KCNQ1: variants seen among roughly 807,000 people sequenced by gnomAD.
KCNQ1 encodes the protein potassium voltage-gated channel subfamily KQT member 1.
In KCNQ1, 49 loss-of-function variants were observed where a neutral mutation model predicts 72.4. The ratio of observed to expected loss-of-function variants is 0.68; its 90% CI spans 0.54 to 0.86. KCNQ1 has a LOEUF of 0.86. KCNQ1 is among the 40% of genes least tolerant of loss of function. The pLI, the probability that KCNQ1 is intolerant of heterozygous loss-of-function variation, is 0.00. For missense variants in KCNQ1, 790 were observed against 945.1 expected, an observed-to-expected ratio of 0.84 and a Z score of 2.15; for synonymous variants, 450 against 412.6, an observed-to-expected ratio of 1.09 and a Z score of -1.10.
intron 11 of KCNQ1, among the ~76,000 whole-genome samples, chr11:2,733,857 C>CTCTCTCTCTCTCTCTCCCT (rs147278439): frequency 7.9e-5 from 6 of 76,320 alleles, no homozygotes; most frequent in Non-Finnish European, 1.0e-4. Flanking sequence ...CTCTCTCTCT[C>CTCTCTCTCTCTCTCTCCCT]CCCCCCCACT....
At chr11:2,476,496 G>C (rs1846570403) in intron 1 of KCNQ1, among the ~76,000 whole-genome samples, 1 of 152,118 alleles carries the variant, frequency 6.6e-6, no homozygotes, top group Non-Finnish European at 1.5e-5. Context: ...AGTAAGAAAA[G>C]TGAATGTAAA....
rs143728490 is a variant in KCNQ1 at position 2,830,564 on chromosome 11, G to T, written c.1795-17203G>T. Among the ~76,000 whole-genome samples the T allele has an allele frequency of 9.2e-4, 140 of 152,282 alleles. No homozygotes were observed. The highest frequency in any genetic ancestry group is 1.5e-3 in the Non-Finnish European group (101 of 68,012). Reference sequence around the variant, plus strand: ...GAGCAGGAAGGGCGGGCTGGGAGCTGCAGGATGGGGCCTGAATCTCTCATC... The same window carrying T: ...GAGCAGGAAGGGCGGGCTGGGAGCTTCAGGATGGGGCCTGAATCTCTCATC... On this transcript the variant is annotated intron_variant, in intron 15 of 15. Transcript: ENST00000155840. This position sits in a 1 kb window ranked among gnomAD's most constrained non-coding sequence, Gnocchi z 7.7.
rs58203092 is a variant in KCNQ1, at chr11:2,620,948, G to GTT, written c.1393+32102_1393+32103dup. 79,320 of 380,398 alleles carry GTT rather than the reference G, an allele frequency of 0.21. 6,068 individuals are homozygous for GTT. Among genetic ancestry groups the GTT allele is most frequent in the African/African-American group, 0.36 (17,259 of 47,436 alleles). 23.6% of individuals were successfully genotyped at this position (380,398 alleles called of 1,614,324 possible). A position where few individuals can be genotyped will look rare whatever the true frequency, so the allele number is the denominator to read the frequency against. ...TTTTTTGTTGTTGTTGTTTTGTTTT[G>GTT]TTTTTTTTTGTCTGTTTTTTGCTTT... On this transcript the variant is annotated intron_variant, in intron 10 of 15. Transcript: ENST00000155840. The surrounding 1 kb of genome is among the most constrained non-coding windows in gnomAD (Gnocchi z 4.5).
intron 10 of KCNQ1, chr11:2,646,364 C>G (rs1421260243): frequency 2.5e-6 from 1 of 398,430 alleles, no homozygotes; most frequent in African/African-American, 2.1e-5. Flanking sequence ...AATTTTGTAG[C>G]CTCTTCAATT....
intron 11 of KCNQ1, among the ~76,000 whole-genome samples, chr11:2,719,073 G>A (rs765127594): frequency 3.9e-5 from 6 of 152,242 alleles, no homozygotes; most frequent in Non-Finnish European, 8.8e-5. Context: ...GGGGCAGGAG[G>A]CCCTGTGGCA....
chr11:2,643,109 TA>T, intron 10 of KCNQ1: 1 of 398,236 alleles, frequency 2.5e-6, no homozygotes, highest in South Asian at 1.3e-4. Context: ...GTGTTCCATG[TA>T]CTGATGAGAA....
chr11:2,455,305 A>T (rs577632434), intron 1 of KCNQ1, among the ~76,000 whole-genome samples: 2 of 151,590 alleles, frequency 1.3e-5, no homozygotes, highest in African/African-American at 4.9e-5. Flanking sequence ...TCACCGTGTT[A>T]GCCAGGATGG....
At position 2,563,918 on chromosome 11, in the gene KCNQ1, C is replaced by CTA. The variant is rs1270107681; in HGVS notation, c.478-6709_478-6708dup. On this transcript the variant is annotated intron_variant, in intron 2 of 15. Coordinates refer to ENST00000155840, the MANE Select transcript of KCNQ1 (RefSeq NM_000218.3). The surrounding 1 kb of genome is among the most constrained non-coding windows in gnomAD (Gnocchi z 7.4). ...AACAATAGTCAGTGAAGATTAAGAA[C>CTA]TAAAGGCTCAAGGACAGCTACAGAT... Among the ~76,000 whole-genome samples, 3 of 152,222 alleles carry CTA rather than the reference C, an allele frequency of 2.0e-5. No homozygotes were observed. The highest frequency in any genetic ancestry group is 2.9e-5 in the Non-Finnish European group (2 of 68,038).
rs145394215 is a variant in KCNQ1 at position 2,797,546 on chromosome 11, C to T, written c.1794+19509C>T. 2.5e-3 allele frequency among the ~76,000 whole-genome samples: 383 copies of T among 152,204 alleles called. 1 individual carries two copies. Among genetic ancestry groups the T allele is most frequent in the Middle Eastern group, 0.01 (3 of 292 alleles). Reference sequence around the variant, plus strand: ...TGCACCTCCTGGCCACCTGCCCCTGCGTACCCACCACCCTTGCTCCGGAGC... The same window carrying T: ...TGCACCTCCTGGCCACCTGCCCCTGTGTACCCACCACCCTTGCTCCGGAGC... On this transcript the variant is annotated intron_variant, in intron 15 of 15. Transcript: ENST00000155840.
intron 10 of KCNQ1, chr11:2,655,217 C>T (rs1464170050): frequency 5.0e-6 from 2 of 398,598 alleles, no homozygotes. Context: ...CTGGGGTAGT[C>T]GCCACGCCCG....
At chr11:2,821,711 G>A (rs1847741651) in intron 15 of KCNQ1, among the ~76,000 whole-genome samples, 1 of 152,094 alleles carries the variant, frequency 6.6e-6, no homozygotes, top group Admixed American at 6.5e-5. Context: ...CTTGTTCCCT[G>A]TGCCCATGAC....
In KCNQ1 at chr11:2,645,810, A is replaced by G. The variant is rs567619583; in HGVS notation, c.1394-16151A>G. Reference sequence around the variant, plus strand: ...CAGTCTGGTGGGGGTTGGGCTATCAAAATGGGACTTTCCTGAAGTTGCCTG... The same window carrying G: ...CAGTCTGGTGGGGGTTGGGCTATCAGAATGGGACTTTCCTGAAGTTGCCTG... On this transcript the variant is annotated intron_variant, in intron 10 of 15. Transcript: ENST00000155840. The surrounding 1 kb of genome is among the most constrained non-coding windows in gnomAD (Gnocchi z 5.8). 1.5e-5 allele frequency: 6 copies of G among 398,758 alleles called. No homozygotes were observed. Among genetic ancestry groups the G allele is most frequent in the African/African-American group, 1.2e-4 (6 of 48,732 alleles). The allele number at this position is 398,758 out of a possible 1,614,324, so 24.7% of individuals were successfully genotyped here.
rs917000610 is a variant in KCNQ1 at position 2,482,766 on chromosome 11, T to C, written c.386+37282T>C. 6.6e-6 allele frequency among the ~76,000 whole-genome samples: 1 copy of C among 152,142 alleles called. No individual in the cohort carries two copies. The highest frequency in any genetic ancestry group is 1.5e-5 in the Non-Finnish European group (1 of 68,032). ...AGTGAGGGGAGTATGTTTATGTTTG[T>C]TGAGCTCTTTGTATTTTAGCCACCC... On this transcript the variant is annotated intron_variant, in intron 1 of 15. Coordinates refer to ENST00000155840, the MANE Select transcript of KCNQ1 (RefSeq NM_000218.3). This position sits in a 1 kb window ranked among gnomAD's most constrained non-coding sequence, Gnocchi z 5.7.
Position 2,584,246 on chromosome 11 carries a change from CAGGT to C in KCNQ1, c.1032+703_1032+706del, listed in dbSNP as rs1397531565. ...TATGTGTATTTATGTATCTGTGTCA[CAGGT>C]ATGTATCCTATACATCTATGTGCGT... On this transcript the variant is annotated intron_variant, in intron 7 of 15. Coordinates refer to ENST00000155840, the MANE Select transcript of KCNQ1 (RefSeq NM_000218.3). 1.2e-4 allele frequency among the ~76,000 whole-genome samples: 16 copies of C among 133,546 alleles called. No homozygotes were observed. The Middle Eastern group carries it at 0.011, about 90-fold the overall frequency. 87.6% of individuals were successfully genotyped at this position (133,546 alleles called of 152,430 possible).
intron 10 of KCNQ1, chr11:2,615,678 T>TAC (rs1849049158): frequency 2.5e-6 from 1 of 397,996 alleles, no homozygotes; most frequent in East Asian, 3.6e-5. Context: ...ATGTGGTGTA[T>TAC]TACATTGATT....
At chr11:2,788,022 C>T (rs1846945121) in intron 15 of KCNQ1, among the ~76,000 whole-genome samples, 1 of 152,142 alleles carries the variant, frequency 6.6e-6, no homozygotes. Flanking sequence ...GTGGCTCCCC[C>T]AACGTTTACC....
In KCNQ1 at chr11:2,683,571, C is replaced by T. The variant is rs951589544; in HGVS notation, c.1514+21490C>T. 7.0e-5 allele frequency: 28 copies of T among 398,644 alleles called. No homozygotes were observed. The highest frequency in any genetic ancestry group is 5.7e-4 in the African/African-American group (28 of 48,744). 24.7% of individuals were successfully genotyped at this position (398,644 alleles called of 1,614,324 possible). Reference sequence around the variant, plus strand: ...GAAGCCCCTACCTACTGACTGGCATCACAAACACTGCCCTGAAATGCCAAC... The same window carrying T: ...GAAGCCCCTACCTACTGACTGGCATTACAAACACTGCCCTGAAATGCCAAC... On this transcript the variant is annotated intron_variant, in intron 11 of 15. Coordinates refer to ENST00000155840, the MANE Select transcript of KCNQ1 (RefSeq NM_000218.3). This position sits in a 1 kb window ranked among gnomAD's most constrained non-coding sequence, Gnocchi z 4.7.
intron 15 of KCNQ1, among the ~76,000 whole-genome samples, chr11:2,842,028 G>A (rs906857861): frequency 9.2e-5 from 14 of 152,180 alleles, no homozygotes; most frequent in African/African-American, 2.7e-4. Flanking sequence ...GGACATAACC[G>A]ACCATGAGCG....
Position 2,536,875 on chromosome 11 carries a change from G to A in KCNQ1, c.477+8857G>A, listed in dbSNP as rs533763845. ...GGCTGGTTCTTCTGAGGCCCCTCCC[G>A]GCTTCTGAGGGTGGCTAGCAACTGT... On this transcript the variant is annotated intron_variant, in intron 2 of 15. Transcript: ENST00000155840. The surrounding 1 kb of genome is among the most constrained non-coding windows in gnomAD (Gnocchi z 7.4). 3.3e-5 allele frequency among the ~76,000 whole-genome samples: 5 copies of A among 152,098 alleles called. No individual in the cohort carries two copies. The highest frequency in any genetic ancestry group is 1.9e-4 in the East Asian group (1 of 5,174).
Sources: gnomAD v4.1 joint callset for allele counts (sites outside exome capture counted in the v4.1 genomes callset) on GRCh38, gnomAD v4.1.1 for gene constraint, Gnocchi (gnomAD v3.1) non-coding constraint, MANE v1.5 for transcripts, NCBI Gene and HGNC (gene_info 2026-07-23, HGNC 2026-07-21) for gene names.